The following NREP variants were observed in gnomAD, a reference collection of about 807,000 sequenced individuals.
The protein encoded by NREP is neuronal regeneration related protein, also known as neuronal regeneration-related protein.
NREP carries 5 observed loss-of-function variants against 8.6 expected under a neutral mutation model. The ratio of observed to expected loss-of-function variants is 0.58; its 90% confidence interval spans 0.30 to 1.22. The LOEUF is 1.22. Among genes scored for constraint, NREP ranks in the 50% most tolerant of loss-of-function variants. The pLI is 0.07. For synonymous variants in NREP, 27 were observed against 28.0 expected (o/e 0.96, Z 0.11); for missense variants, 86 against 82.5 (o/e 1.04, Z -0.17).
rs183309946 is a variant in NREP at position 111,813,889 on chromosome 5, A to C, written c.136-78382T>G. On this transcript the variant is annotated intron_variant, in intron 2 of 3. Transcript: ENST00000395634. ...ATTCTTTTGGTATATACTATATTCC[A>C]GATTCCAAAGATGTGGAACCTGCTA... is the stretch of plus-strand genomic sequence containing the variant. Among the ~76,000 whole-genome samples the C allele has an allele frequency of 3.7e-4, 56 of 152,238 alleles. 1 individual carries two copies. In the East Asian group the frequency reaches 8.1e-3, roughly 22 times the overall value.
At chr5:111,798,939 C>A (rs1239936649) in intron 2 of NREP, among the ~76,000 whole-genome samples, 2 of 152,108 alleles carry the variant, frequency 1.3e-5, no homozygotes, top group African/African-American at 4.8e-5. Context: ...AGGTAGATAC[C>A]TAGCAGTGGG....
intron 2 of NREP, among the ~76,000 whole-genome samples, chr5:111,835,961 G>C (rs1308923658): frequency 2.0e-5 from 3 of 152,082 alleles, no homozygotes; most frequent in Non-Finnish European, 4.4e-5. Flanking sequence ...AACTTTAAAA[G>C]AGAAGTGAGG....
intron 2 of NREP, among the ~76,000 whole-genome samples, chr5:111,952,135 C>T (rs990080865): frequency 4.6e-5 from 7 of 152,060 alleles, no homozygotes; most frequent in African/African-American, 1.7e-4. Context: ...AATCATACAA[C>T]TAAGTGTTTT....
intron 2 of NREP, among the ~76,000 whole-genome samples, chr5:111,925,999 C>A (rs1207945393): frequency 1.3e-5 from 2 of 152,178 alleles, no homozygotes; most frequent in Non-Finnish European, 2.9e-5. Flanking sequence ...TGCCTCTCAG[C>A]AGCTGTTAGG....
intron 2 of NREP, among the ~76,000 whole-genome samples, chr5:111,851,218 T>C (rs367984844): frequency 1.4e-3 from 209 of 152,310 alleles, no homozygotes; most frequent in African/African-American, 4.6e-3. Context: ...AGATATGTCT[T>C]TCCTTTTTTA....
intron 2 of NREP, among the ~76,000 whole-genome samples, chr5:111,863,594 A>T (rs1280948339): frequency 2.0e-5 from 3 of 152,142 alleles, no homozygotes; most frequent in Non-Finnish European, 4.4e-5. Context: ...AGGATAATAA[A>T]ACAATAACGA....
chr5:111,865,104 C>T (rs1034967211), intron 2 of NREP, among the ~76,000 whole-genome samples: 1 of 152,088 alleles, frequency 6.6e-6, no homozygotes, highest in African/African-American at 2.4e-5. Flanking sequence ...TGCTCCTCTC[C>T]CAGAGCTGTG....
At chr5:111,956,426 A>C (rs1475616227) in intron 2 of NREP, among the ~76,000 whole-genome samples, 1 of 152,144 alleles carries the variant, frequency 6.6e-6, no homozygotes, top group East Asian at 1.9e-4. Flanking sequence ...CAAAGAATTA[A>C]ATACTAGATT....
chr5:111,830,420 G>C lies in NREP; in HGVS notation c.136-94913C>G, dbSNP rs58553664. Among the ~76,000 whole-genome samples, 814 of 152,298 alleles carry C rather than the reference G, an allele frequency of 5.3e-3. 13 individuals carry two copies. Among genetic ancestry groups the C allele is most frequent in the African/African-American group, 0.019 (777 of 41,550 alleles). On this transcript the variant is annotated intron_variant, in intron 2 of 3. Coordinates refer to the NREP transcript ENST00000395634. ...TCAGGCAAAGGATACAAACCTCAGA[G>C]CCCCAGAGGAAAACATTGTGGCTTT... is the stretch of plus-strand genomic sequence containing the variant.
intron 2 of NREP, among the ~76,000 whole-genome samples, chr5:111,862,337 G>A (rs973463155): frequency 9.9e-5 from 15 of 152,194 alleles, no homozygotes; most frequent in African/African-American, 3.1e-4. Flanking sequence ...ACATATGTCA[G>A]ATAGCAGGGA....
chr5:111,824,754 G>A (rs903240672), intron 2 of NREP, among the ~76,000 whole-genome samples: 1 of 152,116 alleles, frequency 6.6e-6, no homozygotes, highest in Admixed American at 6.6e-5. Context: ...AATTCCATAC[G>A]TATTTTTGTA....
intron 2 of NREP, among the ~76,000 whole-genome samples, chr5:111,971,396 G>C (rs914109924): frequency 6.6e-6 from 1 of 152,000 alleles, no homozygotes; most frequent in African/African-American, 2.4e-5. Context: ...CAGTCAATCT[G>C]TAGCAAAAAA....
intron 2 of NREP, among the ~76,000 whole-genome samples, chr5:111,828,584 C>T (rs183917080): frequency 1.2e-4 from 18 of 152,024 alleles, no homozygotes; most frequent in South Asian, 4.2e-4. Context: ...AAGATTAGAG[C>T]GCTTAATTAC....
At chr5:111,919,113 C>CA (rs57886116) in intron 2 of NREP, among the ~76,000 whole-genome samples, 60,704 of 151,802 alleles carry the variant, frequency 0.4, 14,563 homozygotes, top group Non-Finnish European at 0.55. Context: ...TTTATGCTGC[C>CA]AAAAAACATA....
At chr5:111,796,366 T>C (rs1581124027) in intron 2 of NREP, among the ~76,000 whole-genome samples, 3 of 152,330 alleles carry the variant, frequency 2.0e-5, no homozygotes, top group Middle Eastern at 3.4e-3. Context: ...CTTTACCAGA[T>C]GTACAAAGTC....
At chr5:111,830,377 G>A (rs887464887) in intron 2 of NREP, among the ~76,000 whole-genome samples, 4 of 152,198 alleles carry the variant, frequency 2.6e-5, no homozygotes, top group African/African-American at 9.7e-5. Flanking sequence ...AGGTGCCACT[G>A]GAAGAGTCAA....
chr5:111,789,419 G>T lies in NREP; in HGVS notation c.136-53912C>A, dbSNP rs1751689336. ...TCCACCTAAATAGAGGCAGAGTAAA[G>T]GTCTACATTCATGTTTTTTCTTCAG... On this transcript the variant is annotated intron_variant, in intron 2 of 3. Coordinates refer to the NREP transcript ENST00000395634. Among the ~76,000 whole-genome samples the T allele has an allele frequency of 1.3e-5, 2 of 152,104 alleles. 1 individual carries two copies. Among genetic ancestry groups the T allele is most frequent in the African/African-American group, 4.8e-5 (2 of 41,422 alleles).
rs1312542546 is a variant in NREP at position 111,730,776 on chromosome 5, C to T, written c.*145G>A. 1.3e-5 allele frequency: 12 copies of T among 898,526 alleles called. No homozygotes were observed. The highest frequency in any genetic ancestry group is 2.0e-5 in the Non-Finnish European group (12 of 599,676). 55.7% of individuals were successfully genotyped at this position (898,526 alleles called of 1,614,324 possible). A position where few individuals can be genotyped will look rare whatever the true frequency, so the allele number is the denominator to read the frequency against. ...AACTGGTTTGATGACACCTATTTGT[C>T]CACTGTAAATTCTCTAAAGCAAGGC... On this transcript the variant is annotated 3_prime_UTR_variant, in exon 4 of 4. Coordinates refer to ENST00000257435, the MANE Select transcript of NREP (RefSeq NM_004772.4).
At chr5:111,805,435 A>G (rs1752117898) in intron 2 of NREP, among the ~76,000 whole-genome samples, 1 of 152,224 alleles carries the variant, frequency 6.6e-6, no homozygotes, top group Non-Finnish European at 1.5e-5. Flanking sequence ...CTGGAGAGAG[A>G]TTGGATAAAC....
Sources: allele counts gnomAD v4.1 joint callset (sites outside exome capture counted in the v4.1 genomes callset), GRCh38; gene constraint gnomAD v4.1.1; transcripts MANE v1.5; gene names NCBI Gene and HGNC (gene_info 2026-07-23, HGNC 2026-07-21).